The following KIF26B variants were observed in gnomAD, a reference collection of about 807,000 sequenced individuals.
KIF26B encodes kinesin family member 26B.
KIF26B carries 63 observed loss-of-function variants against 151.2 expected under a neutral mutation model. The ratio of observed to expected loss-of-function variants is 0.42; its 90% CI spans 0.34 to 0.51. KIF26B has a LOEUF of 0.51. KIF26B is among the 20% of genes least tolerant of loss of function. The pLI is 0.07. For synonymous variants in KIF26B, 1,357 were observed against 1,262.1 expected, an observed-to-expected ratio of 1.08 and a Z score of -1.59; for missense variants, 2,813 against 2,913.6, an observed-to-expected ratio of 0.97 and a Z score of 0.79.
At chr1:245,600,246 G>A (rs1476800039) in intron 5 of KIF26B, among the ~76,000 whole-genome samples, 1 of 127,244 alleles carries the variant, frequency 7.9e-6, no homozygotes, top group African/African-American at 2.9e-5. Context: ...CACCGTGTTA[G>A]CCAGGATGGT....
chr1:245,657,622 A>G lies in KIF26B; in HGVS notation c.2258+11342A>G, dbSNP rs2044088781. 3.3e-5 allele frequency among the ~76,000 whole-genome samples: 5 copies of G among 152,038 alleles called. 1 individual carries two copies. The South Asian group carries it at 1.0e-3, about 32-fold the overall frequency. Reference sequence around the variant, plus strand: ...AATTTGGGCCACACCTACCTTTCTGACCATAGAAACTACATAGAGATGACT... The same window carrying G: ...AATTTGGGCCACACCTACCTTTCTGGCCATAGAAACTACATAGAGATGACT... On this transcript the variant is annotated intron_variant, in intron 10 of 14. Coordinates refer to ENST00000407071, the MANE Select transcript of KIF26B (RefSeq NM_018012.4).
intron 2 of KIF26B, among the ~76,000 whole-genome samples, chr1:245,276,928 C>T (rs1335543063): frequency 1.3e-5 from 2 of 152,000 alleles, no homozygotes; most frequent in Non-Finnish European, 2.9e-5. Flanking sequence ...GAGATGAGAT[C>T]TTCTTAGATT....
At chr1:245,464,655 CGT>C (rs113838583) in intron 4 of KIF26B, among the ~76,000 whole-genome samples, 87 of 126,042 alleles carry the variant, frequency 6.9e-4, no homozygotes, top group Middle Eastern at 0.011. Context: ...TGTGGGTGTG[CGT>C]GTGTGTGTGT....
intron 4 of KIF26B, among the ~76,000 whole-genome samples, chr1:245,534,073 AG>A (rs1489985344): frequency 1.3e-5 from 2 of 152,122 alleles, no homozygotes; most frequent in Admixed American, 6.5e-5. Context: ...TGGCACTCAG[AG>A]GGAAGACTGA....
intron 2 of KIF26B, among the ~76,000 whole-genome samples, chr1:245,336,093 CA>C (rs1672226267): frequency 7.8e-6 from 1 of 128,074 alleles, no homozygotes; most frequent in African/African-American, 3.2e-5. Context: ...GGGTCCCACG[CA>C]GGGAAAGGAG....
intron 10 of KIF26B, among the ~76,000 whole-genome samples, chr1:245,662,486 A>AT (rs1558257424): frequency 0.027 from 3,987 of 145,044 alleles, 163 homozygotes; most frequent in African/African-American, 0.085. Context: ...ACACACACCC[A>AT]ATATATATAT....
rs926364201 is a variant in KIF26B at position 245,540,520 on chromosome 1, T to A, written c.1167-247T>A. The A allele has an allele frequency of 5.8e-6, 4 of 684,438 alleles. No individual in the cohort carries two copies. In the African/African-American group the frequency reaches 7.0e-5, roughly 12 times the overall value. The allele number at this position is 684,438 out of a possible 1,614,324, so 42.4% of individuals were successfully genotyped here. A position where few individuals can be genotyped will look rare whatever the true frequency, so the allele number is the denominator to read the frequency against. On this transcript the variant is annotated intron_variant, in intron 4 of 14. Coordinates refer to ENST00000407071, the MANE Select transcript of KIF26B (RefSeq NM_018012.4). This position sits in a 1 kb window ranked among gnomAD's most constrained non-coding sequence, Gnocchi z 4.6. ...TTGGTGGATAACACATCATTCTTTG[T>A]AAATCGTGATTGCAGAATCCTGCTA...
At chr1:245,257,791 G>A (rs1279428281) in intron 2 of KIF26B, among the ~76,000 whole-genome samples, 5 of 152,202 alleles carry the variant, frequency 3.3e-5, no homozygotes, top group Non-Finnish European at 4.4e-5. Context: ...GGAGGCCAAC[G>A]TGGACGAATC....
rs58192966 is a variant in KIF26B, at chr1:245,451,585, C to CTTTTTT, written c.1166+31863_1166+31868dup. The stretch of plus-strand genomic sequence containing the variant: ...TATAATATGTATCCAGAAGATCTAT[C>CTTTTTT]TTTTTTTTTTTTTTTTTTTTTTTTT... On this transcript the variant is annotated intron_variant, in intron 4 of 14. Transcript: ENST00000407071. 1.5e-3 allele frequency among the ~76,000 whole-genome samples: 90 copies of CTTTTTT among 58,740 alleles called. 2 individuals are homozygous for CTTTTTT. Among genetic ancestry groups the CTTTTTT allele is most frequent in the Non-Finnish European group, 1.9e-3 (61 of 31,838 alleles). 38.5% of individuals were successfully genotyped at this position (58,740 alleles called of 152,430 possible). A position where few individuals can be genotyped will look rare whatever the true frequency, so the allele number is the denominator to read the frequency against.
intron 3 of KIF26B, among the ~76,000 whole-genome samples, chr1:245,415,395 G>A (rs1299896661): frequency 1.3e-5 from 2 of 152,020 alleles, no homozygotes; most frequent in African/African-American, 2.4e-5. Flanking sequence ...CAACCCTAGA[G>A]AGGATTTGCA....
chr1:245,557,059 G>A (rs974409313), intron 5 of KIF26B, among the ~76,000 whole-genome samples: 17 of 152,146 alleles, frequency 1.1e-4, no homozygotes, highest in Admixed American at 2.6e-4. Flanking sequence ...TTCCTGTGTC[G>A]CCCAGGAACA....
chr1:245,291,396 T>A (rs902907889), intron 2 of KIF26B, among the ~76,000 whole-genome samples: 1 of 152,228 alleles, frequency 6.6e-6, no homozygotes, highest in Non-Finnish European at 1.5e-5. Context: ...TCTTGGAAAG[T>A]CTTCCAAAGA....
chr1:245,429,682 C>T (rs890743281), intron 4 of KIF26B, among the ~76,000 whole-genome samples: 4 of 152,258 alleles, frequency 2.6e-5, no homozygotes, highest in East Asian at 1.9e-4. Context: ...GGCACAATCT[C>T]GGCTCACTGC....
rs764505406 is a variant in KIF26B, at chr1:245,612,105, T to TGTGTGA, written c.2098+130_2098+131insTGTGAG. 7.8e-4 allele frequency: 243 copies of TGTGTGA among 312,340 alleles called. 1 individual carries two copies. Among genetic ancestry groups the TGTGTGA allele is most frequent in the Admixed American group, 6.0e-3 (111 of 18,452 alleles). 19.3% of individuals were successfully genotyped at this position (312,340 alleles called of 1,614,324 possible). A position where few individuals can be genotyped will look rare whatever the true frequency, so the allele number is the denominator to read the frequency against. On this transcript the variant is annotated intron_variant, in intron 9 of 14. Coordinates refer to ENST00000407071, the MANE Select transcript of KIF26B (RefSeq NM_018012.4). Reference sequence around the variant, plus strand: ...GTGTGTGTGTGTGTGTGTGTGTGTGTGAGAGAGAGAGAGAGAGAGAGAGAG... The same window carrying TGTGTGA: ...GTGTGTGTGTGTGTGTGTGTGTGTGTGTGTGAGAGAGAGAGAGAGAGAGAGAGAGAG...
chr1:245,324,289 T>G (rs1379508087), intron 2 of KIF26B, among the ~76,000 whole-genome samples: 1 of 152,196 alleles, frequency 6.6e-6, no homozygotes, highest in Non-Finnish European at 1.5e-5. Flanking sequence ...ATAGACTCCC[T>G]ATGGTGGACA....
chr1:245,205,429 T>A (rs1669382276), intron 2 of KIF26B, among the ~76,000 whole-genome samples: 1 of 152,178 alleles, frequency 6.6e-6, no homozygotes, highest in African/African-American at 2.4e-5. Flanking sequence ...TTGAATCTTA[T>A]AAGAATATAG....
In KIF26B at chr1:245,548,072, C is replaced by T. The variant is rs532361848; in HGVS notation, c.1350+7122C>T. Among the ~76,000 whole-genome samples the T allele has an allele frequency of 2.3e-3, 356 of 152,262 alleles. 2 individuals carry two copies. Among genetic ancestry groups the T allele is most frequent in the African/African-American group, 8.0e-3 (331 of 41,548 alleles). On this transcript the variant is annotated intron_variant, in intron 5 of 14. Coordinates refer to ENST00000407071, the MANE Select transcript of KIF26B (RefSeq NM_018012.4). ...TTTTGTTTAAGTTTCAGGGACCTGACGCCTTCCAGGCACTGATATGTGTAC... is the reference window on the plus strand; with the variant it reads ...TTTTGTTTAAGTTTCAGGGACCTGATGCCTTCCAGGCACTGATATGTGTAC...
chr1:245,156,352 A>G lies in KIF26B; in HGVS notation c.134A>G (p.Tyr45Cys), dbSNP rs1668431575. Reference sequence around the variant, plus strand: ...CCGGAAAGCTGGTACCGGAAAGCATACGAGGAGTCGCGCGCCGGCAGCCGG... The same window carrying G: ...CCGGAAAGCTGGTACCGGAAAGCATGCGAGGAGTCGCGCGCCGGCAGCCGG... ...FSPESWYRKA[Y>C]EESRAGSRPT... Residue 45 changes from tyrosine to cysteine, a missense_variant, in exon 2 of 15, where the codon TAC becomes TGC. This residue lies in a region of KIF26B where 676 missense variants were observed against 688.1 expected (regional missense o/e 0.98). Coordinates refer to ENST00000407071, the MANE Select transcript of KIF26B (RefSeq NM_018012.4). The G allele has an allele frequency of 1.9e-6, 3 of 1,545,770 alleles. No homozygotes were observed. In the African/African-American group the frequency reaches 4.2e-5, roughly 21 times the overall value.
intron 6 of KIF26B, among the ~76,000 whole-genome samples, chr1:245,605,245 G>A (rs568794459): frequency 1.3e-5 from 2 of 152,166 alleles, no homozygotes; most frequent in South Asian, 2.1e-4. Flanking sequence ...CTCAACAAAT[G>A]CGGCTATTTT....
Sources: allele counts gnomAD v4.1 joint callset (sites outside exome capture counted in the v4.1 genomes callset), GRCh38; gene constraint gnomAD v4.1.1; regional missense constraint gnomAD v4.1.1; non-coding constraint Gnocchi (gnomAD v3.1); transcripts MANE v1.5; gene names NCBI Gene and HGNC (gene_info 2026-07-23, HGNC 2026-07-21).